Variants in POU2F3 observed in about 807,000 individuals in gnomAD.
The protein encoded by POU2F3 is POU domain, class 2, transcription factor 3.
In POU2F3, 23 loss-of-function variants were observed where a neutral mutation model predicts 59.2. The observed-to-expected ratio is 0.39, with a 90% CI of 0.28 to 0.55. POU2F3 has a LOEUF of 0.55. Ranked by LOEUF, POU2F3 falls within the 20% of genes least tolerant of loss-of-function variation. The probability of loss-of-function intolerance (pLI) is 0.66; values close to 1 mark genes in which losing one functional copy is unlikely to be tolerated. For synonymous variants in POU2F3, 190 were observed against 214.6 expected (o/e 0.89, Z 1.00); for missense variants, 473 against 544.5 (o/e 0.87, Z 1.31).
intron 9 of POU2F3, among the ~76,000 whole-genome samples, chr11:120,308,081 G>A (rs1941549596): frequency 2.0e-5 from 3 of 152,148 alleles, no homozygotes; most frequent in Admixed American, 6.5e-5. Flanking sequence ...AACGCCCATC[G>A]CCAAATGCCA....
chr11:120,274,379 T>C (rs1940235692), intron 3 of POU2F3, among the ~76,000 whole-genome samples: 1 of 152,184 alleles, frequency 6.6e-6, no homozygotes, highest in South Asian at 2.1e-4. Context: ...ACTGTATATG[T>C]GCTATTATTA....
rs755597353 is a variant in POU2F3 at position 120,302,418 on chromosome 11, C to T, written c.444+50C>T. ...TCCTCTAGGAATGTCTCAGCTCTCA[C>T]TGAGTTTAACTCACTGGTTTCCCCC... On this transcript the variant is annotated intron_variant, in intron 6 of 12. Transcript: ENST00000543440. The T allele has an allele frequency of 3.2e-5, 48 of 1,509,364 alleles. No individual in the cohort carries two copies. In the South Asian group the frequency reaches 5.0e-4, roughly 16 times the overall value. 93.5% of individuals were successfully genotyped at this position (1,509,364 alleles called of 1,614,324 possible). A position where few individuals can be genotyped will look rare whatever the true frequency, so the allele number is the denominator to read the frequency against.
At chr11:120,256,825 A>G (rs977192848) in intron 2 of POU2F3, 6 of 152,188 alleles carry the variant, frequency 3.9e-5, no homozygotes, top group Non-Finnish European at 7.4e-5. Context: ...TTTTTTTCCC[A>G]TAGAGTTTCT....
rs11443197 is a variant in POU2F3 at position 120,304,942 on chromosome 11, TAAAAAAAAAAAAAA to T, written c.445-72_445-59del. Reference sequence around the variant, plus strand: ...GTCATCCTCTAAGTGGGCCTATTAGTAAAAAAAAAAAAAAAAAAAAAAAAAAAAATCAGAAAATG... The same window carrying T: ...GTCATCCTCTAAGTGGGCCTATTAGTAAAAAAAAAAAAAAATCAGAAAATG... On this transcript the variant is annotated intron_variant, in intron 6 of 12. Coordinates refer to ENST00000543440, the MANE Select transcript of POU2F3 (RefSeq NM_014352.4). 613 of 336,164 alleles carry T rather than the reference TAAAAAAAAAAAAAA, an allele frequency of 1.8e-3. 1 individual carries two copies. Among genetic ancestry groups the T allele is most frequent in the East Asian group, 9.7e-3 (330 of 34,026 alleles). The allele number at this position is 336,164 out of a possible 1,614,324, so 20.8% of individuals were successfully genotyped here.
intron 3 of POU2F3, among the ~76,000 whole-genome samples, chr11:120,275,426 C>T (rs1196291408): frequency 1.3e-5 from 2 of 152,140 alleles, no homozygotes; most frequent in Admixed American, 1.3e-4. Context: ...CACCAGCTAA[C>T]TTCAGAAGAA....
At chr11:120,307,819 C>T (rs1411489798) in intron 9 of POU2F3, among the ~76,000 whole-genome samples, 1 of 152,174 alleles carries the variant, frequency 6.6e-6, no homozygotes, top group African/African-American at 2.4e-5. Flanking sequence ...ACCTCCTCCT[C>T]CTCCACTGAC....
rs947363162 is a variant in POU2F3 at position 120,294,433 on chromosome 11, T to C, written c.133-3832T>C. Among the ~76,000 whole-genome samples the C allele has an allele frequency of 2.0e-5, 3 of 152,328 alleles. No homozygotes were observed. The South Asian group carries it at 6.2e-4, about 32-fold the overall frequency. On this transcript the variant is annotated intron_variant, in intron 3 of 12. Transcript: ENST00000543440. ...AGACCCTGGAGATGATCTTCTTGAT[T>C]CCAGGCAGGCTGTGGGTTTGGTTGG... is the stretch of plus-strand genomic sequence containing the variant.
At chr11:120,255,282 G>A (rs1939287432) in intron 2 of POU2F3, among the ~76,000 whole-genome samples, 1 of 152,142 alleles carries the variant, frequency 6.6e-6, no homozygotes, top group Admixed American at 6.5e-5. Flanking sequence ...CCTCAGCTGG[G>A]GACACTCCAC....
intron 3 of POU2F3, among the ~76,000 whole-genome samples, chr11:120,288,878 T>C (rs1387014404): frequency 7.5e-6 from 1 of 133,584 alleles, no homozygotes; most frequent in African/African-American, 2.7e-5. Flanking sequence ...TATATGGGTG[T>C]ATGTCTGTTC....
chr11:120,242,835 G>A (rs1453064389), intron 1 of POU2F3, among the ~76,000 whole-genome samples: 2 of 152,182 alleles, frequency 1.3e-5, no homozygotes, highest in Non-Finnish European at 2.9e-5. Flanking sequence ...CAGACACAGG[G>A]GCTCTGCAGC....
In POU2F3 at chr11:120,246,220, C is replaced by T. The variant is rs545971280; in HGVS notation, c.29-229C>T. Among the ~76,000 whole-genome samples the T allele has an allele frequency of 1.4e-4, 21 of 151,924 alleles. No individual in the cohort carries two copies. In the South Asian group the frequency reaches 4.2e-3, roughly 30 times the overall value. Reference sequence around the variant, plus strand: ...AAGGTGAGAGACCCTGCAGTGGCACCGGGGAAAGGGGAAGAGAAAGGCAAG... The same window carrying T: ...AAGGTGAGAGACCCTGCAGTGGCACTGGGGAAAGGGGAAGAGAAAGGCAAG... On this transcript the variant is annotated intron_variant, in intron 1 of 12. Coordinates refer to ENST00000543440, the MANE Select transcript of POU2F3 (RefSeq NM_014352.4).
chr11:120,242,668 C>A (rs1938714464), intron 1 of POU2F3, among the ~76,000 whole-genome samples: 1 of 152,160 alleles, frequency 6.6e-6, no homozygotes, highest in Admixed American at 6.5e-5. Context: ...TCCAAGGGCT[C>A]CACTCGCACT....
At chr11:120,301,367 T>C (rs1041953974) in intron 5 of POU2F3, 1 of 239,328 alleles carries the variant, frequency 4.2e-6, no homozygotes, top group African/African-American at 2.3e-5. Context: ...CAACTCCCAG[T>C]TCTGGATTCC....
intron 3 of POU2F3, among the ~76,000 whole-genome samples, chr11:120,278,781 G>A (rs762059090): frequency 2.9e-4 from 44 of 152,208 alleles, no homozygotes; most frequent in African/African-American, 8.2e-4. Flanking sequence ...GAGGGCAAGG[G>A]GAAGGATAGC....
Position 120,317,248 on chromosome 11 carries a change from T to C in POU2F3, c.1155T>C (p.Pro385=). ...MPGTVTSSCS[P]GNNSRPSSPG... ...CCTCAGTAACGTCATCCTGTTCCCC[T>C]GGGAACAACAGCAGGCCTTCATCTC... The change falls in exon 12 of 13, where the codon CCT becomes CCC. Residue 385 remains proline, a synonymous_variant. Coordinates refer to ENST00000543440, the MANE Select transcript of POU2F3 (RefSeq NM_014352.4). 2 of 1,613,956 alleles carry C rather than the reference T, an allele frequency of 1.2e-6. No homozygotes were observed. Among genetic ancestry groups the C allele is most frequent in the East Asian group, 2.2e-5 (1 of 44,874 alleles).
chr11:120,317,221 A>T lies in POU2F3; in HGVS notation c.1136-8A>T. 1 of 1,614,014 alleles carries T rather than the reference A, an allele frequency of 6.2e-7. No homozygotes were observed. Among genetic ancestry groups the T allele is most frequent in the Non-Finnish European group, 8.5e-7 (1 of 1,179,940 alleles). On this transcript the variant is annotated splice_region_variant and splice_polypyrimidine_tract_variant and intron_variant, in intron 11 of 12. Transcript: ENST00000543440. ...TTCCCCCTTGTTTTTGCCTCTCCTT[A>T]TCCTCAGTAACGTCATCCTGTTCCC...
Position 120,302,273 on chromosome 11 carries a change from C to A in POU2F3, c.362-13C>A. 6.3e-7 allele frequency: 1 copy of A among 1,584,898 alleles called. No homozygotes were observed. Among genetic ancestry groups the A allele is most frequent in the Non-Finnish European group, 8.7e-7 (1 of 1,153,928 alleles). On this transcript the variant is annotated splice_polypyrimidine_tract_variant and intron_variant, in intron 5 of 12. Transcript: ENST00000543440. ...TTATTTGTCTGTTCCTTTGTCCCTC[C>A]CCTTTCACCCAGGTCTGCAGCCAAA...
chr11:120,238,921 C>G (rs1047299101), upstream of POU2F3, among the ~76,000 whole-genome samples: 1 of 144,064 alleles, frequency 6.9e-6, no homozygotes, highest in African/African-American at 2.6e-5. Flanking sequence ...AATCATAGTA[C>G]AATGTACAGG....
chr11:120,250,084 T>A (rs1158584276), intron 2 of POU2F3: 1 of 152,246 alleles, frequency 6.6e-6, no homozygotes. Context: ...AAAGGATGTG[T>A]GCCCAGTTCT....
Sources: allele counts gnomAD v4.1 joint callset (sites outside exome capture counted in the v4.1 genomes callset), GRCh38; gene constraint gnomAD v4.1.1; transcripts MANE v1.5; gene names NCBI Gene and HGNC (gene_info 2026-07-23, HGNC 2026-07-21).